The following SGCG variants were observed in gnomAD, a reference collection of about 807,000 sequenced individuals.
The protein encoded by SGCG is sarcoglycan gamma.
In SGCG, 26 loss-of-function variants were observed where a neutral mutation model predicts 29.3. The ratio of observed to expected loss-of-function variants is 0.89; its 90% CI spans 0.65 to 1.23. The LOEUF (loss-of-function observed/expected upper bound fraction) is 1.23, where lower values mean the gene tolerates loss of function less well. Ranked by LOEUF, SGCG falls within the 50% of genes most tolerant of loss-of-function variation. The pLI, the probability that SGCG is intolerant of heterozygous loss-of-function variation, is 0.00. For missense variants in SGCG, 353 were observed against 356.0 expected (o/e 0.99, Z 0.07); for synonymous variants, 145 against 129.7 (o/e 1.12, Z -0.80).
chr13:23,194,339 C>G (rs1877399814), intron 1 of SGCG, among the ~76,000 whole-genome samples: 1 of 152,104 alleles, frequency 6.6e-6, no homozygotes, highest in Non-Finnish European at 1.5e-5. Context: ...TGTGTATTAT[C>G]CAGGACTGTT....
chr13:23,218,786 T>C (rs1878531130), intron 2 of SGCG, among the ~76,000 whole-genome samples: 1 of 151,904 alleles, frequency 6.6e-6, no homozygotes, highest in Admixed American at 6.6e-5. Context: ...TGATGGTTGA[T>C]AGGGACAACC....
At chr13:23,323,189 T>C (rs1365137622) in intron 7 of SGCG, among the ~76,000 whole-genome samples, 1 of 152,150 alleles carries the variant, frequency 6.6e-6, no homozygotes, top group Non-Finnish European at 1.5e-5. Flanking sequence ...ACCTATGAAG[T>C]TGTGATGTCA....
chr13:23,299,407 C>CATGTATAT (rs1161342960), intron 6 of SGCG, among the ~76,000 whole-genome samples: 8 of 23,924 alleles, frequency 3.3e-4, no homozygotes, highest in South Asian at 2.5e-3. Flanking sequence ...TCTTAGTTGG[C>CATGTATAT]ATATATATAT....
intron 5 of SGCG, among the ~76,000 whole-genome samples, chr13:23,280,687 C>T (rs1297229065): frequency 6.6e-6 from 1 of 152,182 alleles, no homozygotes; most frequent in Admixed American, 6.5e-5. Context: ...TAATTTCAAG[C>T]AAGTTAATTT....
intron 4 of SGCG, among the ~76,000 whole-genome samples, chr13:23,273,746 T>C (rs965124295): frequency 2.0e-5 from 3 of 152,240 alleles, no homozygotes; most frequent in African/African-American, 7.2e-5. Context: ...ATGTGTGGTC[T>C]TTCTACGTTA....
At position 23,306,787 on chromosome 13, in the gene SGCG, A is replaced by G. The variant is rs1566040934; in HGVS notation, c.578+11300A>G. Among the ~76,000 whole-genome samples the G allele has an allele frequency of 3.3e-5, 5 of 152,242 alleles. No homozygotes were observed. The South Asian group carries it at 8.3e-4, about 25-fold the overall frequency. On this transcript the variant is annotated intron_variant, in intron 6 of 7. Coordinates refer to ENST00000218867, the MANE Select transcript of SGCG (RefSeq NM_000231.3). ...AAAGGAAAAAAATACAAAATGTCAGAAAAAAAAGTACATATCATCAATTCA... is the reference window on the plus strand; with the variant it reads ...AAAGGAAAAAAATACAAAATGTCAGGAAAAAAAGTACATATCATCAATTCA...
chr13:23,304,546 C>T (rs1180418272), intron 6 of SGCG, among the ~76,000 whole-genome samples: 1 of 151,884 alleles, frequency 6.6e-6, no homozygotes, highest in Non-Finnish European at 1.5e-5. Flanking sequence ...TCTATTGCAC[C>T]GGTCTCTCCA....
the SGCG span, among the ~76,000 whole-genome samples, chr13:23,162,190 T>A: frequency 6.6e-6 from 1 of 152,236 alleles, no homozygotes; most frequent in Admixed American, 6.5e-5. Context: ...TTGGTAATAT[T>A]TAAGATCATT....
intron 3 of SGCG, among the ~76,000 whole-genome samples, chr13:23,240,193 T>C (rs1879454196): frequency 1.3e-5 from 2 of 152,170 alleles, no homozygotes; most frequent in South Asian, 4.1e-4. Flanking sequence ...ACAGACAAAG[T>C]AGATTTCACA....
chr13:23,175,268 A>C, the SGCG span, among the ~76,000 whole-genome samples: 4 of 152,220 alleles, frequency 2.6e-5, 1 homozygote, highest in Middle Eastern at 6.3e-3. Context: ...TGAGCTAAGT[A>C]GTGACCTCAG....
chr13:23,278,394 G>C (rs1305293030), intron 4 of SGCG, among the ~76,000 whole-genome samples: 1 of 150,486 alleles, frequency 6.6e-6, no homozygotes, highest in Non-Finnish European at 1.5e-5. Context: ...AGCGAGCGGA[G>C]ATCGCACCAT....
intron 2 of SGCG, among the ~76,000 whole-genome samples, chr13:23,218,352 A>C (rs1281153239): frequency 6.6e-6 from 1 of 152,144 alleles, no homozygotes; most frequent in Non-Finnish European, 1.5e-5. Context: ...CCCTTATGGC[A>C]TATAAACACC....
At chr13:23,214,236 T>G (rs977437189) in intron 2 of SGCG, among the ~76,000 whole-genome samples, 2 of 152,152 alleles carry the variant, frequency 1.3e-5, no homozygotes, top group Admixed American at 6.5e-5. Flanking sequence ...ATTGTTAAAT[T>G]TCTTCCCTGC....
chr13:23,196,662 A>G (rs755035823), intron 1 of SGCG, among the ~76,000 whole-genome samples: 7 of 151,946 alleles, frequency 4.6e-5, no homozygotes, highest in Non-Finnish European at 1.0e-4. Context: ...TATTTTAAGG[A>G]TATTAACCTT....
chr13:23,323,955 A>C (rs1883139211), intron 7 of SGCG, among the ~76,000 whole-genome samples: 1 of 152,204 alleles, frequency 6.6e-6, no homozygotes, highest in Non-Finnish European at 1.5e-5. Context: ...TCACAAGATA[A>C]ATGTGAATCG....
intron 6 of SGCG, 83 bp downstream of exon 6, chr13:23,295,570 C>T (rs1200117867): frequency 2.5e-5 from 23 of 914,302 alleles, no homozygotes; most frequent in Non-Finnish European, 4.2e-5. Flanking sequence ...GCAGTGACTA[C>T]TTCCTGACTG....
chr13:23,305,428 T>G (rs994549046), intron 6 of SGCG, among the ~76,000 whole-genome samples: 1 of 152,220 alleles, frequency 6.6e-6, no homozygotes, highest in South Asian at 2.1e-4. Flanking sequence ...TGATGATTGA[T>G]TCACTGGGAT....
chr13:23,215,666 C>T (rs1593177450), intron 2 of SGCG, among the ~76,000 whole-genome samples: 1 of 152,146 alleles, frequency 6.6e-6, no homozygotes, highest in African/African-American at 2.4e-5. Flanking sequence ...ACCTGCTACC[C>T]TGTTAAACTT....
At chr13:23,210,427 C>T (rs1593174557) in intron 2 of SGCG, among the ~76,000 whole-genome samples, 1 of 152,102 alleles carries the variant, frequency 6.6e-6, no homozygotes, top group African/African-American at 2.4e-5. Context: ...CGCGGTGGCT[C>T]ATTCCTGTAA....
Sources: gnomAD v4.1 joint callset for allele counts (sites outside exome capture counted in the v4.1 genomes callset) on GRCh38, gnomAD v4.1.1 for gene constraint, MANE v1.5 for transcripts, NCBI Gene and HGNC (gene_info 2026-07-23, HGNC 2026-07-21) for gene names.